The following MEGF9 variants were observed in gnomAD, a reference collection of about 807,000 sequenced individuals.
The protein encoded by MEGF9 is multiple EGF like domains 9.
Under a neutral mutation model 46.8 loss-of-function variants are expected in MEGF9, and 6 were observed. That is an observed-to-expected ratio of 0.13 (90% CI 0.07 to 0.25). The LOEUF is 0.25. MEGF9 is among the 10% of genes least tolerant of loss of function. The probability of loss-of-function intolerance (pLI) is 1.00; values close to 1 mark genes in which losing one functional copy is unlikely to be tolerated. For missense variants in MEGF9, 683 were observed against 792.4 expected (o/e 0.86, Z 1.66); for synonymous variants, 302 against 330.7 (o/e 0.91, Z 0.94).
chr9:120,648,838 GT>G (rs2043636490), intron 2 of MEGF9, among the ~76,000 whole-genome samples: 1 of 152,168 alleles, frequency 6.6e-6, no homozygotes, highest in Non-Finnish European at 1.5e-5. Flanking sequence ...CCTCCGAGGT[GT>G]TTTGTCATCT....
chr9:120,616,117 C>G (rs1048868881), intron 3 of MEGF9, among the ~76,000 whole-genome samples: 7 of 151,968 alleles, frequency 4.6e-5, no homozygotes, highest in Non-Finnish European at 4.4e-5. Flanking sequence ...GAAATTATCT[C>G]TAGTATACAT....
intron 1 of MEGF9, among the ~76,000 whole-genome samples, chr9:120,693,723 A>T (rs984052317): frequency 2.0e-5 from 3 of 152,242 alleles, no homozygotes; most frequent in Non-Finnish European, 4.4e-5. Flanking sequence ...GCAACTCAAT[A>T]CCATTATTTG....
At chr9:120,615,516 T>C (rs1308909397) in intron 3 of MEGF9, among the ~76,000 whole-genome samples, 2 of 151,874 alleles carry the variant, frequency 1.3e-5, no homozygotes, top group African/African-American at 4.8e-5. Context: ...GGCCATACCC[T>C]GCAATGAGAA....
intron 1 of MEGF9, among the ~76,000 whole-genome samples, chr9:120,695,755 G>C (rs1184239841): frequency 6.6e-6 from 1 of 151,792 alleles, no homozygotes; most frequent in African/African-American, 2.4e-5. Context: ...CATTCTTTTT[G>C]TCAGCCTAGT....
At chr9:120,688,900 A>C (rs2043836093) in intron 1 of MEGF9, among the ~76,000 whole-genome samples, 1 of 152,214 alleles carries the variant, frequency 6.6e-6, no homozygotes, top group Admixed American at 6.5e-5. Flanking sequence ...AGAGAACTGT[A>C]ATTCTTCTCT....
intron 1 of MEGF9, among the ~76,000 whole-genome samples, chr9:120,676,919 T>C (rs912510213): frequency 6.6e-6 from 1 of 152,198 alleles, no homozygotes; most frequent in Non-Finnish European, 1.5e-5. Context: ...AGAAGCTAAG[T>C]GCTTGCCCAA....
At chr9:120,660,305 C>T (rs2043696525) in intron 1 of MEGF9, among the ~76,000 whole-genome samples, 1 of 151,816 alleles carries the variant, frequency 6.6e-6, no homozygotes, top group Non-Finnish European at 1.5e-5. Flanking sequence ...TTATGGGGTA[C>T]CTGAGGTATT....
At chr9:120,703,143 T>C (rs1421498749) in intron 1 of MEGF9, among the ~76,000 whole-genome samples, 1 of 152,236 alleles carries the variant, frequency 6.6e-6, no homozygotes, top group Non-Finnish European at 1.5e-5. Flanking sequence ...CCTAAGCAGG[T>C]TCTCAAACTA....
chr9:120,660,594 G>T (rs1352691917), intron 1 of MEGF9, among the ~76,000 whole-genome samples: 3 of 151,982 alleles, frequency 2.0e-5, no homozygotes, highest in Non-Finnish European at 4.4e-5. Context: ...ATTCTTCGCA[G>T]TCAGACAGTT....
chr9:120,683,429 G>T (rs556246191), intron 1 of MEGF9, among the ~76,000 whole-genome samples: 2 of 152,274 alleles, frequency 1.3e-5, no homozygotes, highest in African/African-American at 4.8e-5. Flanking sequence ...GATCACAGGG[G>T]CAGTTTCCCT....
At chr9:120,628,699 G>C (rs2043537880) in intron 2 of MEGF9, among the ~76,000 whole-genome samples, 1 of 152,020 alleles carries the variant, frequency 6.6e-6, no homozygotes. Context: ...GAGCTTACCT[G>C]ATCTTTGCCC....
At chr9:120,609,186 C>T (rs1448218261) in intron 4 of MEGF9, among the ~76,000 whole-genome samples, 1 of 152,198 alleles carries the variant, frequency 6.6e-6, no homozygotes, top group African/African-American at 2.4e-5. Flanking sequence ...CCACCACCCC[C>T]TAAGGTTCAG....
intron 2 of MEGF9, among the ~76,000 whole-genome samples, chr9:120,632,983 T>C (rs1251060196): frequency 6.6e-6 from 1 of 152,194 alleles, no homozygotes; most frequent in East Asian, 1.9e-4. Flanking sequence ...GTTGTTGGAT[T>C]TGGTTTGCAA....
intron 1 of MEGF9, among the ~76,000 whole-genome samples, chr9:120,671,795 T>C (rs2043750634): frequency 6.6e-6 from 1 of 152,148 alleles, no homozygotes; most frequent in Non-Finnish European, 1.5e-5. Flanking sequence ...CAAAACCAGA[T>C]AAAAACATTA....
In MEGF9 at chr9:120,714,253, C is replaced by G. The variant is rs2043968020; in HGVS notation, c.106G>C (p.Ala36Pro). ...AAAAAAVASA[A>P]SAGNVTGGGG... is the part of the protein sequence containing the mutation. ...CCACCGGTGACATTCCCCGCCGAGG[C>G]GGCTGAGGCGACGGCGGCGGCGGCG... The change falls in exon 1 of 6, where the codon GCC (alanine) becomes CCC (proline). Residue 36 changes from alanine to proline, a missense_variant. This residue lies in a region of MEGF9 where 370 missense variants were observed against 371.3 expected (regional missense o/e 1.00). Transcript: ENST00000373930. The G allele has an allele frequency of 1.6e-6, 2 of 1,214,390 alleles. No homozygotes were observed. Among genetic ancestry groups the G allele is most frequent in the African/African-American group, 1.8e-5 (1 of 54,516 alleles). The allele number at this position is 1,214,390 out of a possible 1,614,324, so 75.2% of individuals were successfully genotyped here. A position where few individuals can be genotyped will look rare whatever the true frequency, so the allele number is the denominator to read the frequency against.
intron 2 of MEGF9, among the ~76,000 whole-genome samples, chr9:120,650,228 A>G (rs2043643755): frequency 6.6e-6 from 1 of 152,234 alleles, no homozygotes; most frequent in East Asian, 1.9e-4. Flanking sequence ...AAAGCCTCAA[A>G]TCAATGTGCA....
intron 1 of MEGF9, among the ~76,000 whole-genome samples, chr9:120,705,231 A>G (rs562779681): frequency 6.6e-6 from 1 of 152,282 alleles, no homozygotes; most frequent in South Asian, 2.1e-4. Context: ...AAACAAATCA[A>G]TAGGAAAAAA....
chr9:120,610,839 G>GA (rs2043441847), intron 4 of MEGF9, among the ~76,000 whole-genome samples: 1 of 151,902 alleles, frequency 6.6e-6, no homozygotes, highest in African/African-American at 2.4e-5. Context: ...CCACAAAATA[G>GA]AAAAAATATT....
intron 1 of MEGF9, among the ~76,000 whole-genome samples, chr9:120,663,978 G>A (rs4837789): frequency 0.69 from 104,173 of 152,020 alleles, 35,906 homozygotes; most frequent in South Asian, 0.75. Context: ...AGTATTTGAA[G>A]ATAGTCACAT....
Sources: allele counts gnomAD v4.1 joint callset (sites outside exome capture counted in the v4.1 genomes callset), GRCh38; gene constraint gnomAD v4.1.1; regional missense constraint gnomAD v4.1.1; transcripts MANE v1.5; gene names NCBI Gene and HGNC (gene_info 2026-07-23, HGNC 2026-07-21).